Variants in NCKAP5 observed in about 807,000 individuals in gnomAD.
The protein encoded by NCKAP5 is nck-associated protein 5.
A neutral mutation model predicts 167.0 loss-of-function variants in NCKAP5; 92 were observed. The ratio of observed to expected loss-of-function variants is 0.55; its 90% CI spans 0.47 to 0.66. The LOEUF (loss-of-function observed/expected upper bound fraction) is 0.66. NCKAP5 is among the 30% of genes least tolerant of loss of function. NCKAP5 has a pLI of 0.00. For missense variants in NCKAP5, 2,378 were observed against 2,315.0 expected, an observed-to-expected ratio of 1.03 and a Z score of -0.56; for synonymous variants, 891 against 877.4, an observed-to-expected ratio of 1.02 and a Z score of -0.27.
At chr2:133,520,007 G>A (rs1234280198) in intron 2 of NCKAP5, among the ~76,000 whole-genome samples, 1 of 151,888 alleles carries the variant, frequency 6.6e-6, no homozygotes, top group Admixed American at 6.6e-5. Flanking sequence ...CCAACATGGT[G>A]AAACCCCATC....
At chr2:132,761,700 C>T (rs1681022003) in intron 16 of NCKAP5, among the ~76,000 whole-genome samples, 1 of 152,176 alleles carries the variant, frequency 6.6e-6, no homozygotes, top group Non-Finnish European at 1.5e-5. Flanking sequence ...TATCATATGT[C>T]ACATAAGAAA....
intron 6 of NCKAP5, among the ~76,000 whole-genome samples, chr2:133,016,464 G>A (rs2078339601): frequency 6.6e-6 from 1 of 152,192 alleles, no homozygotes; most frequent in Non-Finnish European, 1.5e-5. Context: ...GGCCTTCCGT[G>A]TTAAGAAATA....
At chr2:132,933,594 G>A (rs528381347) in intron 8 of NCKAP5, among the ~76,000 whole-genome samples, 2 of 152,304 alleles carry the variant, frequency 1.3e-5, no homozygotes, top group Admixed American at 1.3e-4. Context: ...CTTTTGAAAT[G>A]TCAGAAAAGG....
chr2:132,863,907 G>GT lies in NCKAP5; in HGVS notation c.688-3297dup, dbSNP rs562356879. Among the ~76,000 whole-genome samples, 344 of 152,276 alleles carry GT rather than the reference G, an allele frequency of 2.3e-3. 2 individuals carry two copies. The highest frequency in any genetic ancestry group is 8.0e-3 in the African/African-American group (332 of 41,570). On this transcript the variant is annotated intron_variant, in intron 10 of 19. Transcript: ENST00000409261. ...TCAGAATGGATATATATAAACAACT[G>GT]TTTTGCTAACCACTATTGTAGTACC... is the stretch of plus-strand genomic sequence containing the variant.
intron 8 of NCKAP5, among the ~76,000 whole-genome samples, chr2:132,889,862 A>C (rs1450664086): frequency 6.6e-6 from 1 of 152,190 alleles, no homozygotes; most frequent in Non-Finnish European, 1.5e-5. Flanking sequence ...TAAAATAACA[A>C]ACTGATCATA....
At chr2:132,950,654 T>G (rs1304434301) in intron 8 of NCKAP5, among the ~76,000 whole-genome samples, 1 of 152,218 alleles carries the variant, frequency 6.6e-6, no homozygotes, top group Admixed American at 6.5e-5. Flanking sequence ...TTTTGGTGAT[T>G]TGGATTTCCA....
At chr2:133,499,557 T>C (rs1480575597) in intron 3 of NCKAP5, among the ~76,000 whole-genome samples, 1 of 2,960 alleles carries the variant, frequency 3.4e-4, no homozygotes, top group African/African-American at 2.8e-3. Flanking sequence ...TTCTTTTTTG[T>C]TTTTTGTTTT....
the NCKAP5 span, among the ~76,000 whole-genome samples, chr2:133,647,376 AAAGGAAGGAAGGAAGG>A: frequency 2.1e-3 from 172 of 82,528 alleles, 2 homozygotes; most frequent in South Asian, 0.026. Flanking sequence ...AGGAAGAAAG[AAAGGAAGGAAGGAAGG>A]AAGGAAGGAA....
At chr2:133,577,831 T>C in the NCKAP5 span, among the ~76,000 whole-genome samples, 1 of 152,282 alleles carries the variant, frequency 6.6e-6, no homozygotes, top group East Asian at 1.9e-4. Flanking sequence ...CCCTGTCCTC[T>C]TAACCAGATG....
chr2:133,427,059 C>T (rs1270035814), intron 3 of NCKAP5, among the ~76,000 whole-genome samples: 14 of 151,972 alleles, frequency 9.2e-5, no homozygotes, highest in African/African-American at 2.9e-4. Flanking sequence ...GAGAGCCATG[C>T]AAAAATCTCA....
At chr2:133,418,677 A>G (rs1689276873) in intron 3 of NCKAP5, among the ~76,000 whole-genome samples, 1 of 152,142 alleles carries the variant, frequency 6.6e-6, no homozygotes, top group Non-Finnish European at 1.5e-5. Context: ...CAAGGCAAAC[A>G]CCCAGTTCTT....
chr2:133,614,062 T>A, the NCKAP5 span, among the ~76,000 whole-genome samples: 2 of 151,778 alleles, frequency 1.3e-5, no homozygotes, highest in Non-Finnish European at 2.9e-5. Flanking sequence ...ACTGTGAACT[T>A]TGTCTCCAAG....
intron 3 of NCKAP5, among the ~76,000 whole-genome samples, chr2:133,319,218 A>G (rs1174023591): frequency 7.8e-6 from 1 of 128,574 alleles, no homozygotes; most frequent in Non-Finnish European, 1.6e-5. Flanking sequence ...AATTTGAATT[A>G]CTATCAGCAT....
At chr2:132,755,624 T>C (rs1177977710) in intron 16 of NCKAP5, among the ~76,000 whole-genome samples, 1 of 150,350 alleles carries the variant, frequency 6.7e-6, no homozygotes, top group African/African-American at 2.5e-5. Context: ...AGGTCAAGAG[T>C]TCAAGACCAG....
chr2:133,274,663 G>A (rs1350024494), intron 4 of NCKAP5, among the ~76,000 whole-genome samples: 1 of 151,906 alleles, frequency 6.6e-6, no homozygotes, highest in Non-Finnish European at 1.5e-5. Flanking sequence ...AATAGAAAGA[G>A]ACCCTAGAAA....
intron 4 of NCKAP5, among the ~76,000 whole-genome samples, chr2:133,264,617 G>T (rs562340577): frequency 1.3e-5 from 2 of 152,276 alleles, no homozygotes; most frequent in African/African-American, 4.8e-5. Flanking sequence ...AATGTCCATA[G>T]GCAAAAAGAA....
intron 3 of NCKAP5, among the ~76,000 whole-genome samples, chr2:133,452,201 T>C (rs1419157643): frequency 6.6e-6 from 1 of 152,110 alleles, no homozygotes; most frequent in East Asian, 1.9e-4. Flanking sequence ...TTGAGAGAAA[T>C]GTTTCCCATG....
At chr2:133,524,915 T>C (rs1684743500) in intron 2 of NCKAP5, among the ~76,000 whole-genome samples, 1 of 152,134 alleles carries the variant, frequency 6.6e-6, no homozygotes, top group Non-Finnish European at 1.5e-5. Flanking sequence ...TCTGCATCTG[T>C]GCATGTGTGT....
At position 132,773,830 on chromosome 2, in the gene NCKAP5, T is replaced by G. The variant is rs1682305446; in HGVS notation, c.5114A>C (p.Gln1705Pro). The change falls in exon 16 of 20, where the codon CAG (glutamine) becomes CCG (proline). Residue 1705 changes from glutamine to proline, a missense_variant. Physicochemically the swap from Gln to Pro is moderately conservative, Grantham distance 76. This residue lies in a region of NCKAP5 where 1,325 missense variants were observed against 1,274.5 expected (regional missense o/e 1.04). Transcript: ENST00000409261. Reference protein sequence around the residue: ...EDDAVADSVFQSHIIESNCQM... With the variant: ...EDDAVADSVFPSHIIESNCQM... ...TGAATTTTTACCTATGATGTGGCTCTGAAATACAGAATCTGCAACTGCATC... is the reference window on the plus strand; with the variant it reads ...TGAATTTTTACCTATGATGTGGCTCGGAAATACAGAATCTGCAACTGCATC... 6.2e-7 allele frequency: 1 copy of G among 1,610,806 alleles called. No homozygotes were observed. Among genetic ancestry groups the G allele is most frequent in the African/African-American group, 1.3e-5 (1 of 74,808 alleles).
Sources: allele counts gnomAD v4.1 joint callset (sites outside exome capture counted in the v4.1 genomes callset), GRCh38; gene constraint gnomAD v4.1.1; regional missense constraint gnomAD v4.1.1; transcripts MANE v1.5; gene names NCBI Gene and HGNC (gene_info 2026-07-23, HGNC 2026-07-21).